CPZ: variants seen among roughly 807,000 people sequenced by gnomAD.
CPZ encodes the protein VEZT/CPZ fusion.
Under a neutral mutation model 61.8 loss-of-function variants are expected in CPZ, and 103 were observed. That is an observed-to-expected ratio of 1.67 (90% CI 1.42 to 1.96). CPZ has a LOEUF of 1.96. Among genes scored for constraint, CPZ ranks in the 30% most tolerant of loss-of-function variants. The probability of loss-of-function intolerance (pLI) is 0.00; values close to 1 mark genes in which losing one functional copy is unlikely to be tolerated. For synonymous variants in CPZ, 551 were observed against 373.7 expected (o/e 1.47, Z -5.47); for missense variants, 1,461 against 914.9 (o/e 1.60, Z -7.70).
intron 1 of CPZ, among the ~76,000 whole-genome samples, chr4:8,593,361 T>G (rs1353638743): frequency 6.6e-6 from 1 of 152,122 alleles, no homozygotes; most frequent in African/African-American, 2.4e-5. Context: ...CAGCTGGGGC[T>G]GTGATGTGGA....
At chr4:8,593,043 C>T in intron 1 of CPZ, 122 bp downstream of exon 1, 3 of 739,938 alleles carry the variant, frequency 4.1e-6, no homozygotes, top group East Asian at 3.3e-5. Context: ...ATGGTCCTGG[C>T]GAGAACGTCT....
chr4:8,593,959 C>A (rs547392445), intron 1 of CPZ, among the ~76,000 whole-genome samples: 2 of 152,272 alleles, frequency 1.3e-5, no homozygotes, highest in African/African-American at 4.8e-5. Context: ...CTCCCCTTGG[C>A]CCCTGAGAGC....
chr4:8,619,417 G>T lies in CPZ; in HGVS notation c.1759G>T (p.Gly587Ter). 1.2e-6 allele frequency: 2 copies of T among 1,614,134 alleles called. No individual in the cohort carries two copies. Among genetic ancestry groups the T allele is most frequent in the Non-Finnish European group, 1.7e-6 (2 of 1,180,006 alleles). The change falls in exon 11 of 11, where the codon GGA becomes TGA. Residue 587 changes from glycine to a stop codon, truncating the protein, a stop_gained. Coordinates refer to ENST00000360986, the MANE Select transcript of CPZ (RefSeq NM_001014447.3). LOFTEE classifies it low-confidence loss of function (END_TRUNC). ...CTTCATTCTGCAACCTCTGGGGATG[G>T]GACCCAAGAACTTTATTCATGGGCT... is the stretch of plus-strand genomic sequence containing the variant. ...VDFILQPLGM[G>*]PKNFIHGLRR...
At chr4:8,618,339 T>A in intron 9 of CPZ, 90 bp from the exon 10 acceptor site, 5 of 1,265,804 alleles carry the variant, frequency 4.0e-6, no homozygotes, top group South Asian at 1.2e-5. Context: ...GATACCAAGC[T>A]CTGAGGAGCA....
At position 8,592,941 on chromosome 4, in the gene CPZ, C is replaced by CT; in HGVS notation, c.88+20_88+21insT. On this transcript the variant is annotated intron_variant, in intron 1 of 10. Transcript: ENST00000360986. ...CCGCCGGTAAGGCCGTCCCCTGCCC[C>CT]CACCCTCCACCCTCCACCCTGCAAC... 1 of 1,467,114 alleles carries CT rather than the reference C, an allele frequency of 6.8e-7. No homozygotes were observed. 90.9% of individuals were successfully genotyped at this position (1,467,114 alleles called of 1,614,324 possible). A position where few individuals can be genotyped will look rare whatever the true frequency, so the allele number is the denominator to read the frequency against.
intron 1 of CPZ, among the ~76,000 whole-genome samples, chr4:8,598,488 C>T (rs770043514): frequency 6.6e-6 from 1 of 152,240 alleles, no homozygotes; most frequent in Non-Finnish European, 1.5e-5. Context: ...TTCCTCTGCT[C>T]CAGCCTGCTT....
rs1027050472 is a variant in CPZ at position 8,612,103 on chromosome 4, G to T, written c.1304G>T (p.Gly435Val). 1.2e-6 allele frequency: 2 copies of T among 1,611,066 alleles called. No individual in the cohort carries two copies. Among genetic ancestry groups the T allele is most frequent in the African/African-American group, 2.7e-5 (2 of 74,724 alleles). The stretch of plus-strand genomic sequence containing the variant: ...GACAGGTCGGAGAATAGGTGTGGAG[G>T]CAATTTCCTGAAGAGGGGGAGCATC... The part of the protein sequence containing the change: ...MMDRSENRCG[G>V]NFLKRGSIIN... Residue 435 changes from glycine (G) to valine (V), a missense_variant, in exon 8 of 11, where the codon GGC (glycine) becomes GTC (valine). By Grantham distance (109) the Gly-to-Val change is moderately radical. Transcript: ENST00000360986.
chr4:8,609,641 G>A (rs1032249992), intron 7 of CPZ, among the ~76,000 whole-genome samples: 3 of 151,530 alleles, frequency 2.0e-5, no homozygotes, highest in Non-Finnish European at 2.9e-5. Context: ...CCTCAGAGCT[G>A]GCAGGGCAGG....
At chr4:8,608,305 C>T (rs1284095954) in intron 7 of CPZ, among the ~76,000 whole-genome samples, 1 of 152,192 alleles carries the variant, frequency 6.6e-6, no homozygotes, top group Non-Finnish European at 1.5e-5. Flanking sequence ...CCCTCCACCT[C>T]CCTCCCTGCA....
At chr4:8,609,222 A>ACTCC (rs1343640970) in intron 7 of CPZ, among the ~76,000 whole-genome samples, 613 of 41,212 alleles carry the variant, frequency 0.015, 11 homozygotes, top group African/African-American at 0.035. Flanking sequence ...TCATTCACTT[A>ACTCC]CTCACTCATT....
intron 1 of CPZ, 125 bp downstream of exon 1, chr4:8,593,046 G>C: frequency 1.4e-6 from 1 of 727,884 alleles, no homozygotes; most frequent in Non-Finnish European, 2.2e-6. Flanking sequence ...GTCCTGGCGA[G>C]AACGTCTCCA....
In CPZ at chr4:8,612,010, C is replaced by A; in HGVS notation, c.1228-17C>A. 1 of 1,613,838 alleles carries A rather than the reference C, an allele frequency of 6.2e-7. No homozygotes were observed. Among genetic ancestry groups the A allele is most frequent in the Non-Finnish European group, 8.5e-7 (1 of 1,179,972 alleles). On this transcript the variant is annotated splice_polypyrimidine_tract_variant and intron_variant, in intron 7 of 10. Transcript: ENST00000360986. ...GCAGGGGACCCTTTCCTTATCTGAGCCAGGTTTCTTTTCCAGATGTTCAAG... is the reference window on the plus strand; with the variant it reads ...GCAGGGGACCCTTTCCTTATCTGAGACAGGTTTCTTTTCCAGATGTTCAAG...
At chr4:8,611,263 G>T in intron 7 of CPZ, 1 of 456,276 alleles carries the variant, frequency 2.2e-6, no homozygotes, top group Non-Finnish European at 4.4e-6. Flanking sequence ...AGGAGCCTCT[G>T]CCCAAGGTCA....
intron 9 of CPZ, among the ~76,000 whole-genome samples, chr4:8,615,408 TCTG>T (rs780561806): frequency 2.6e-4 from 40 of 152,254 alleles, no homozygotes; most frequent in South Asian, 6.2e-4. Context: ...CGAAGAAGCT[TCTG>T]CTATTTTTTT....
intron 9 of CPZ, among the ~76,000 whole-genome samples, chr4:8,615,528 C>T (rs3822198): frequency 0.25 from 38,636 of 152,180 alleles, 5,981 homozygotes; most frequent in Non-Finnish European, 0.35. Context: ...GAGGTGAGGG[C>T]GCAGCACCGT....
rs780265772 is a variant in CPZ, at chr4:8,607,280, C to T, written c.1082C>T (p.Thr361Ile). ...TGTCCTGGGCAGGTGGCCCCGGAGA[C>T]AAAGGCAATCATGAAGTGGATGCAG... is the stretch of plus-strand genomic sequence containing the variant. ...HYWWGKVAPETKAIMKWMQTI... is the reference protein window; with the variant it reads ...HYWWGKVAPEIKAIMKWMQTI... Residue 361 changes from threonine (T) to isoleucine (I), a missense_variant, in exon 7 of 11, where the codon ACA (threonine) becomes ATA (isoleucine). Coordinates refer to ENST00000360986, the MANE Select transcript of CPZ (RefSeq NM_001014447.3). The T allele has an allele frequency of 5.0e-6, 8 of 1,614,032 alleles. No homozygotes were observed. Among genetic ancestry groups the T allele is most frequent in the Admixed American group, 1.7e-5 (1 of 60,010 alleles).
At chr4:8,615,044 G>A (rs1716047080) in intron 9 of CPZ, among the ~76,000 whole-genome samples, 1 of 152,192 alleles carries the variant, frequency 6.6e-6, no homozygotes, top group South Asian at 2.1e-4. Context: ...GAGGGCTCTG[G>A]GCAGTGGGGT....
Position 8,607,353 on chromosome 4 carries a change from GGT to G in CPZ, c.1158_1159del (p.Ser387LeufsTer33), listed in dbSNP as rs765565891. ...SASLHGGDLV[V>X]SYPFDFSKHP... ...CCAGCCTTCATGGGGGCGACCTGGTGGTGTCCTACCCCTTCGACTTCTCCAAG... is the reference window on the plus strand; with the variant it reads ...CCAGCCTTCATGGGGGCGACCTGGTGGTCCTACCCCTTCGACTTCTCCAAG... On this transcript the variant is annotated frameshift_variant, in exon 7 of 11. Transcript: ENST00000360986. LOFTEE classifies it high-confidence loss of function. 6.2e-7 allele frequency: 1 copy of G among 1,614,102 alleles called. No homozygotes were observed.
intron 9 of CPZ, among the ~76,000 whole-genome samples, chr4:8,616,139 G>A (rs942917106): frequency 3.3e-5 from 5 of 152,224 alleles, no homozygotes; most frequent in African/African-American, 1.2e-4. Context: ...TGGGCAGCTC[G>A]CTGGCTGGCT....
Sources: gnomAD v4.1 joint callset for allele counts (sites outside exome capture counted in the v4.1 genomes callset) on GRCh38, gnomAD v4.1.1 for gene constraint, MANE v1.5 for transcripts, NCBI Gene and HGNC (gene_info 2026-07-23, HGNC 2026-07-21) for gene names.